The following ALAS2 variants were observed in gnomAD, a reference collection of about 807,000 sequenced individuals.
ALAS2 encodes the protein 5-aminolevulinate synthase, erythroid-specific, mitochondrial.
In ALAS2, 3 loss-of-function variants were observed where a neutral mutation model predicts 33.7. That is an observed-to-expected ratio of 0.09 (90% CI 0.04 to 0.23). The LOEUF (loss-of-function observed/expected upper bound fraction) is 0.23. Among genes scored for constraint, ALAS2 ranks in the 10% least tolerant of loss-of-function variants. The pLI, the probability that ALAS2 is intolerant of heterozygous loss-of-function variation, is 1.00. For missense variants in ALAS2, 304 were observed against 475.1 expected (o/e 0.64, Z 3.35); for synonymous variants, 191 against 177.3 (o/e 1.08, Z -0.61).
chrX:55,013,678 C>A (rs1479767936), intron 9 of ALAS2, 30 bp from the exon 10 acceptor site: 1 of 1,206,121 alleles, frequency 8.3e-7, no homozygotes, highest in Non-Finnish European at 1.1e-6. Flanking sequence ...TAATCAGTAC[C>A]TGCCACTCTG....
In ALAS2 at chrX:55,017,675, C is replaced by G; in HGVS notation, c.824-10G>C. 8.3e-7 allele frequency: 1 copy of G among 1,209,680 alleles called. No homozygotes were observed. ...GAGTAAATCTCGCACCCTGAGGAAGCAGATGTATAATCCTTAAGCTTCTGT... is the reference window on the plus strand; with the variant it reads ...GAGTAAATCTCGCACCCTGAGGAAGGAGATGTATAATCCTTAAGCTTCTGT... On this transcript the variant is annotated splice_polypyrimidine_tract_variant and intron_variant, in intron 6 of 10. Transcript: ENST00000650242.
chrX:55,014,564 G>A (rs1175743046), intron 9 of ALAS2, among the ~76,000 whole-genome samples, 183 bp downstream of exon 9: 3 of 112,570 alleles, frequency 2.7e-5, no homozygotes, highest in Non-Finnish European at 3.7e-5. Flanking sequence ...CTGATGCAAG[G>A]AAAAGACTGG....
intron 10 of ALAS2, among the ~76,000 whole-genome samples, chrX:55,012,835 C>T (rs1375835925): frequency 9.0e-6 from 1 of 111,632 alleles, no homozygotes; most frequent in African/African-American, 3.3e-5. Context: ...ACAAAACTAC[C>T]CAACAGAAAT....
chrX:55,030,422 C>T lies in ALAS2; in HGVS notation c.-16+520G>A, dbSNP rs747900196. 1.4e-4 allele frequency among the ~76,000 whole-genome samples: 16 copies of T among 111,705 alleles called. No homozygotes were observed. The Admixed American group carries it at 1.5e-3, about 11-fold the overall frequency. ...TAGTTTCCCTCCCTAGCTCTTCCCC[C>T]ACCCCTAGGCTCCCCATGGGCTCTG... On this transcript the variant is annotated intron_variant, in intron 1 of 10. Coordinates refer to ENST00000650242, the MANE Select transcript of ALAS2 (RefSeq NM_000032.5).
At chrX:55,018,081 A>G (rs1319323711) in intron 6 of ALAS2, among the ~76,000 whole-genome samples, 1 of 112,080 alleles carries the variant, frequency 8.9e-6, no homozygotes, top group East Asian at 2.8e-4. Flanking sequence ...ATGAAATTCC[A>G]TCCATTCCAG....
intron 1 of ALAS2, chrX:55,027,643 C>T (rs909522731): frequency 1.3e-6 from 1 of 769,469 alleles, no homozygotes; most frequent in Non-Finnish European, 2.0e-6. Flanking sequence ...CTAGCACCCT[C>T]AGCCTTATGT....
Position 55,021,159 on chromosome X carries a change from A to T in ALAS2, c.531T>A (p.Phe177Leu), listed in dbSNP as rs1935799094. 8.3e-7 allele frequency: 1 copy of T among 1,211,736 alleles called. No homozygotes were observed. Among genetic ancestry groups the T allele is most frequent in the Admixed American group, 2.2e-5 (1 of 46,074 alleles). The change falls in exon 5 of 11, where the codon TTT (phenylalanine) becomes TTA (leucine). Residue 177 changes from phenylalanine to leucine, a missense_variant. Transcript: ENST00000650242. ...CAGATGCCTCAGAGAAATGTTGGGC[A>T]AAGGGATATGCATCAGCCCAGCGGT... ...TVNRWADAYP[F>L]AQHFSEASVA...
chrX:55,025,698 A>T lies in ALAS2; in HGVS notation c.181+122T>A. 4 of 750,542 alleles carry T rather than the reference A, an allele frequency of 5.3e-6. No individual in the cohort carries two copies. The South Asian group carries it at 8.9e-5, about 17-fold the overall frequency. 61.9% of individuals were successfully genotyped at this position (750,542 alleles called of 1,213,427 possible). A position where few individuals can be genotyped will look rare whatever the true frequency, so the allele number is the denominator to read the frequency against. The stretch of plus-strand genomic sequence containing the variant: ...TCTGGGTATATTTTGGGGCCAGTTC[A>T]TGCTATCTTGACACTTTTCACATGA... On this transcript the variant is annotated intron_variant, in intron 2 of 10. Transcript: ENST00000650242.
chrX:55,021,256 T>A lies in ALAS2; in HGVS notation c.434A>T (p.Tyr145Phe). The A allele has an allele frequency of 8.3e-7, 1 of 1,209,998 alleles. No homozygotes were observed. Among genetic ancestry groups the A allele is most frequent in the Non-Finnish European group, 1.1e-6 (1 of 893,522 alleles). ...NNMPGNYVFS[Y>F]DQFFRDKIME... ...GATCTTGTCCCTGAAAAACTGGTCA[T>A]AACTGAAGACATAGTTTCCTGCAGG... The change falls in exon 5 of 11, where the codon TAT becomes TTT. Residue 145 changes from tyrosine to phenylalanine, a missense_variant. Tyr to Phe is a conservative substitution (Grantham distance 22). Around this residue, in one of 3 missense-constraint regions of ALAS2, gnomAD observed 138 missense variants for 265.3 expected, o/e 0.52. Coordinates refer to ENST00000650242, the MANE Select transcript of ALAS2 (RefSeq NM_000032.5).
At chrX:55,016,667 G>A (rs745516895) in intron 7 of ALAS2, among the ~76,000 whole-genome samples, 23 of 111,849 alleles carry the variant, frequency 2.1e-4, no homozygotes, top group Admixed American at 8.5e-4. Context: ...ATCCATAAGA[G>A]GATGCCTAAA....
At chrX:55,017,737 G>T in intron 6 of ALAS2, 72 bp from the exon 7 acceptor site, 1 of 1,079,747 alleles carries the variant, frequency 9.3e-7, no homozygotes, top group Non-Finnish European at 1.3e-6. Flanking sequence ...GTTTGACCTG[G>T]CAAAGAAAAG....
chrX:55,017,159 A>G (rs773375858), intron 7 of ALAS2, among the ~76,000 whole-genome samples: 4 of 111,799 alleles, frequency 3.6e-5, no homozygotes, highest in Non-Finnish European at 7.5e-5. Context: ...TTGGATGCCA[A>G]CTCTGAACTT....
At chrX:55,021,425 A>T (rs1935803965) in intron 4 of ALAS2, 151 bp from the exon 5 acceptor site, 1 of 485,512 alleles carries the variant, frequency 2.1e-6, no homozygotes. Context: ...GACCACATTA[A>T]CTCTCTACTA....
intron 7 of ALAS2, among the ~76,000 whole-genome samples, chrX:55,015,985 G>C (rs975668139): frequency 6.6e-5 from 7 of 105,484 alleles, no homozygotes; most frequent in African/African-American, 2.1e-4. Flanking sequence ...GTGTGTGTGT[G>C]TGTGTGTGTG....
Position 55,017,611 on chromosome X carries a change from C to A in ALAS2, c.878G>T (p.Arg293Leu). 8.3e-7 allele frequency: 1 copy of A among 1,211,691 alleles called. No individual in the cohort carries two copies. The highest frequency in any genetic ancestry group is 3.0e-5 in the East Asian group (1 of 33,822). Residue 293 changes from arginine to leucine, a missense_variant, in exon 7 of 11, where the codon CGT (arginine) becomes CTT (leucine). Arg to Leu is a moderately radical substitution (Grantham distance 102). This residue lies in a region of ALAS2 where 138 missense variants were observed against 265.3 expected (regional missense o/e 0.52). Transcript: ENST00000650242. Reference sequence around the variant, plus strand: ...GACAAACTTGGCTGCTCCACTGTTACGGATACCTTGGATCATGGAAGCATG... The same window carrying A: ...GACAAACTTGGCTGCTCCACTGTTAAGGATACCTTGGATCATGGAAGCATG... The part of the protein sequence containing the change: ...GNHASMIQGI[R>L]NSGAAKFVFR...
intron 2 of ALAS2, 110 bp from the exon 3 acceptor site, chrX:55,024,950 A>G: frequency 9.9e-7 from 1 of 1,007,743 alleles, no homozygotes; most frequent in Non-Finnish European, 1.4e-6. Flanking sequence ...AGGCTATTGT[A>G]GAGACACAGA....
intron 6 of ALAS2, 48 bp downstream of exon 6, chrX:55,020,272 T>C: frequency 8.7e-7 from 1 of 1,144,469 alleles, no homozygotes; most frequent in Non-Finnish European, 1.2e-6. Context: ...AACTGGATGC[T>C]GTATTGCAGG....
At chrX:55,027,659 G>A (rs931629802) in intron 1 of ALAS2, 12 of 894,774 alleles carry the variant, frequency 1.3e-5, no homozygotes, top group East Asian at 9.4e-5. Context: ...TATGTTTTGA[G>A]GGACAGGTCA....
chrX:55,025,867 C>G lies in ALAS2; in HGVS notation c.134G>C (p.Gly45Ala), dbSNP rs1169342060. Residue 45 changes from glycine (G) to alanine (A), a missense_variant, in exon 2 of 11, where the codon GGA (glycine) becomes GCA (alanine). This residue lies in a region of ALAS2 where 71 missense variants were observed against 82.8 expected (regional missense o/e 0.86). Coordinates refer to ENST00000650242, the MANE Select transcript of ALAS2 (RefSeq NM_000032.5). Reference protein sequence around the residue: ...IGRCPILATQGPNCSQIHLKA... With the variant: ...IGRCPILATQAPNCSQIHLKA... ...AAGGTGGATTTGAGAACAGTTTGGT[C>G]CTTGGGTAGCCAGGATGGGACAGCG... 8.3e-7 allele frequency: 1 copy of G among 1,209,916 alleles called. No homozygotes were observed. Among genetic ancestry groups the G allele is most frequent in the Non-Finnish European group, 1.1e-6 (1 of 895,265 alleles).
Sources: gnomAD v4.1 joint callset for allele counts (sites outside exome capture counted in the v4.1 genomes callset) on GRCh38, gnomAD v4.1.1 for gene constraint, gnomAD v4.1.1 regional missense constraint, MANE v1.5 for transcripts, NCBI Gene and HGNC (gene_info 2026-07-23, HGNC 2026-07-21) for gene names.